Variants in TANGO6 observed in about 807,000 individuals in gnomAD.
The protein encoded by TANGO6 is transport and Golgi organization protein 6 homolog.
Under a neutral mutation model 114.2 loss-of-function variants are expected in TANGO6, and 90 were observed. That is an observed-to-expected ratio of 0.79 (90% CI 0.66 to 0.94). TANGO6 has a LOEUF of 0.94. TANGO6 is among the 40% of genes least tolerant of loss of function. The pLI is 0.00. For synonymous variants in TANGO6, 477 were observed against 509.8 expected, an observed-to-expected ratio of 0.94 and a Z score of 0.87; for missense variants, 1,274 against 1,315.3, an observed-to-expected ratio of 0.97 and a Z score of 0.49.
chr16:68,905,825 A>T (rs1356115733), intron 9 of TANGO6, among the ~76,000 whole-genome samples: 3 of 152,074 alleles, frequency 2.0e-5, no homozygotes, highest in Non-Finnish European at 4.4e-5. Flanking sequence ...GTGAGCCACG[A>T]TCGCACCACT....
In TANGO6 at chr16:68,868,489, T is replaced by G. The variant is rs188132503; in HGVS notation, c.994+1269T>G. On this transcript the variant is annotated intron_variant, in intron 4 of 17. Coordinates refer to ENST00000261778, the MANE Select transcript of TANGO6 (RefSeq NM_024562.2). ...TTTTTCTGGTATTTACCTCTATATT[T>G]CTATTTTTTTTTTTTTTTTTTTTTT... 4.8e-5 allele frequency among the ~76,000 whole-genome samples: 7 copies of G among 146,534 alleles called. No individual in the cohort carries two copies. In the East Asian group the frequency reaches 1.4e-3, roughly 29 times the overall value.
chr16:68,974,114 C>G lies in TANGO6; in HGVS notation c.2788C>G (p.Pro930Ala). 1 of 1,613,926 alleles carries G rather than the reference C, an allele frequency of 6.2e-7. No homozygotes were observed. Among genetic ancestry groups the G allele is most frequent in the African/African-American group, 1.3e-5 (1 of 75,034 alleles). ...QYDSSKDKHT[P>A]ETRMKVGEVL... ...TGACAGCAGCAAAGACAAGCACACA[C>G]CAGAGACCAGAATGAAAGTCGGGGA... Residue 930 changes from proline to alanine, a missense_variant, in exon 15 of 18, where the codon CCA (proline) becomes GCA (alanine). Around this residue, in one of 5 missense-constraint regions of TANGO6, gnomAD observed 238 missense variants for 252.9 expected, o/e 0.94. Coordinates refer to ENST00000261778, the MANE Select transcript of TANGO6 (RefSeq NM_024562.2).
At chr16:68,889,228 A>G (rs1373215785) in intron 7 of TANGO6, among the ~76,000 whole-genome samples, 1 of 152,210 alleles carries the variant, frequency 6.6e-6, no homozygotes, top group African/African-American at 2.4e-5. Flanking sequence ...TATATTTGTT[A>G]CAATTGATGA....
At chr16:68,959,613 T>C (rs1963570482) in intron 14 of TANGO6, among the ~76,000 whole-genome samples, 1 of 151,852 alleles carries the variant, frequency 6.6e-6, no homozygotes, top group Non-Finnish European at 1.5e-5. Flanking sequence ...AAAATAAAAA[T>C]AAATAAGGAA....
intron 15 of TANGO6, among the ~76,000 whole-genome samples, chr16:69,022,335 A>G (rs1255619842): frequency 6.6e-6 from 1 of 152,226 alleles, no homozygotes; most frequent in Admixed American, 6.5e-5. Context: ...AAAACCATAC[A>G]TCATGAATAT....
chr16:69,003,927 T>A (rs11863018), intron 15 of TANGO6, among the ~76,000 whole-genome samples: 1 of 151,512 alleles, frequency 6.6e-6, no homozygotes, highest in African/African-American at 2.4e-5. Flanking sequence ...CTACTTACTG[T>A]TTTTTTTCTT....
chr16:68,854,662 A>T, intron 1 of TANGO6, among the ~76,000 whole-genome samples: 1 of 150,332 alleles, frequency 6.7e-6, no homozygotes. Context: ...AGTTGTTCCA[A>T]CCTCATTTGG....
At chr16:69,038,132 C>T (rs2152233588) in intron 16 of TANGO6, among the ~76,000 whole-genome samples, 1 of 152,232 alleles carries the variant, frequency 6.6e-6, no homozygotes, top group African/African-American at 2.4e-5. Context: ...AGTCCAATAA[C>T]AAAAGTATGT....
chr16:68,883,209 G>A lies in TANGO6; in HGVS notation c.1377+2579G>A, dbSNP rs554127616. ...AAGACTCTGCCTCAAAAAAAGAAAA[G>A]ATAAAAAATAAAAATAAAGTGTACA... On this transcript the variant is annotated intron_variant, in intron 7 of 17. Coordinates refer to ENST00000261778, the MANE Select transcript of TANGO6 (RefSeq NM_024562.2). Among the ~76,000 whole-genome samples, 5 of 151,602 alleles carry A rather than the reference G, an allele frequency of 3.3e-5. No homozygotes were observed. In the South Asian group the frequency reaches 8.3e-4, roughly 25 times the overall value.
At chr16:68,907,099 A>ATTTTTTTTTTTTTTTTT (rs546359676) in intron 9 of TANGO6, among the ~76,000 whole-genome samples, 13 of 114,592 alleles carry the variant, frequency 1.1e-4, no homozygotes, top group Non-Finnish European at 1.9e-4. Flanking sequence ...CCAGACCTTG[A>ATTTTTTTTTTTTTTTTT]TTTTTTTTTT....
chr16:68,873,892 C>T (rs900573423), intron 4 of TANGO6, among the ~76,000 whole-genome samples: 2 of 152,100 alleles, frequency 1.3e-5, no homozygotes, highest in Non-Finnish European at 2.9e-5. Context: ...TAATTTAACC[C>T]CTTTTTGTAT....
At chr16:69,025,292 T>C (rs972680932) in intron 16 of TANGO6, among the ~76,000 whole-genome samples, 2 of 152,282 alleles carry the variant, frequency 1.3e-5, no homozygotes, top group East Asian at 1.9e-4. Context: ...AATAATTTTA[T>C]TGAGCAATGA....
At chr16:68,953,537 T>C (rs1354685772) in intron 14 of TANGO6, among the ~76,000 whole-genome samples, 1 of 152,116 alleles carries the variant, frequency 6.6e-6, no homozygotes, top group Non-Finnish European at 1.5e-5. Flanking sequence ...TTGACACAGG[T>C]GCTCTAAATA....
At chr16:68,928,298 ATTTT>A (rs10701295) in intron 13 of TANGO6, among the ~76,000 whole-genome samples, 129 of 98,600 alleles carry the variant, frequency 1.3e-3, no homozygotes, top group African/African-American at 5.1e-3. Context: ...CTGAGTGCCA[ATTTT>A]TTTTTTTTTT....
At chr16:68,897,122 C>G (rs76154073) in intron 7 of TANGO6, among the ~76,000 whole-genome samples, 1 of 151,896 alleles carries the variant, frequency 6.6e-6, no homozygotes. Context: ...AGGCTGGTCT[C>G]GAACTCCTGA....
intron 9 of TANGO6, among the ~76,000 whole-genome samples, chr16:68,906,043 G>A (rs577523263): frequency 4.6e-4 from 70 of 152,128 alleles, no homozygotes; most frequent in Middle Eastern, 6.8e-3. Flanking sequence ...AGCTGGGCAT[G>A]GTGGTGGGCG....
chr16:68,874,401 C>A (rs1473468734), intron 4 of TANGO6, among the ~76,000 whole-genome samples: 3 of 152,178 alleles, frequency 2.0e-5, no homozygotes, highest in Admixed American at 2.0e-4. Context: ...CCTGGGCTGC[C>A]TGTTGTCCAC....
rs181031856 is a variant in TANGO6 at position 68,859,888 on chromosome 16, G to A, written c.99G>A (p.Ser33=). 54 of 1,555,502 alleles carry A rather than the reference G, an allele frequency of 3.5e-5. No individual in the cohort carries two copies. The highest frequency in any genetic ancestry group is 4.3e-5 in the Non-Finnish European group (50 of 1,155,258). ...ALKLLLSPGG[S]GSSSLQVTKH... ...CCTTTTTTTCTTCTTCAAAAGGCTC[G>A]GGCTCAAGTTCACTACAGGTCACAA... The change falls in exon 2 of 18, where the codon TCG becomes TCA. Residue 33 remains serine (S), a synonymous_variant. Transcript: ENST00000261778.
intron 13 of TANGO6, among the ~76,000 whole-genome samples, chr16:68,929,990 T>G (rs1199886508): frequency 6.6e-6 from 1 of 152,216 alleles, no homozygotes; most frequent in African/African-American, 2.4e-5. Context: ...GGATTGTTCT[T>G]CCATCGGTTT....
Sources: gnomAD v4.1 joint callset for allele counts (sites outside exome capture counted in the v4.1 genomes callset) on GRCh38, gnomAD v4.1.1 for gene constraint, gnomAD v4.1.1 regional missense constraint, MANE v1.5 for transcripts, NCBI Gene and HGNC (gene_info 2026-07-23, HGNC 2026-07-21) for gene names.